HHAT: variants seen among roughly 807,000 people sequenced by gnomAD.
The protein encoded by HHAT is protein-cysteine N-palmitoyltransferase HHAT.
HHAT carries 47 observed loss-of-function variants against 70.8 expected under a neutral mutation model. That is an observed-to-expected ratio of 0.66 (90% CI 0.53 to 0.85). The LOEUF is 0.85. Ranked by LOEUF, HHAT falls within the 40% of genes least tolerant of loss-of-function variation. HHAT has a pLI of 0.00. For synonymous variants in HHAT, 228 were observed against 247.6 expected (o/e 0.92, Z 0.74); for missense variants, 609 against 604.8 (o/e 1.01, Z -0.07).
intron 3 of HHAT, among the ~76,000 whole-genome samples, chr1:210,379,297 G>A (rs564538873): frequency 3.3e-5 from 5 of 152,316 alleles, no homozygotes; most frequent in South Asian, 4.1e-4. Flanking sequence ...CATAGTGTTT[G>A]TATTTGTTCA....
intron 9 of HHAT, among the ~76,000 whole-genome samples, chr1:210,522,889 C>G (rs1009316081): frequency 6.6e-6 from 1 of 152,062 alleles, no homozygotes; most frequent in African/African-American, 2.4e-5. Flanking sequence ...GACTACTTAT[C>G]TGTAAATTGG....
At chr1:210,338,133 G>A (rs1196202539) in intron 1 of HHAT, among the ~76,000 whole-genome samples, 3 of 151,942 alleles carry the variant, frequency 2.0e-5, no homozygotes, top group Non-Finnish European at 4.4e-5. Flanking sequence ...GATCACTTGA[G>A]TCCAGGAGTT....
intron 8 of HHAT, among the ~76,000 whole-genome samples, chr1:210,504,456 C>A (rs1466493569): frequency 6.6e-6 from 1 of 152,176 alleles, no homozygotes; most frequent in Non-Finnish European, 1.5e-5. Context: ...TGCCTGTGGT[C>A]AAATGCTGTT....
intron 8 of HHAT, among the ~76,000 whole-genome samples, chr1:210,483,699 A>G (rs1293103533): frequency 6.6e-6 from 1 of 152,216 alleles, no homozygotes. Context: ...AGGGCCTCAG[A>G]TTAAAGTCAG....
intron 4 of HHAT, among the ~76,000 whole-genome samples, chr1:210,393,340 C>T (rs2091575380): frequency 6.6e-6 from 1 of 152,218 alleles, no homozygotes; most frequent in South Asian, 2.1e-4. Context: ...CCATGTCTAG[C>T]ATCCATACCA....
intron 10 of HHAT, among the ~76,000 whole-genome samples, chr1:210,609,646 T>C (rs1471370924): frequency 1.3e-5 from 2 of 152,232 alleles, no homozygotes; most frequent in South Asian, 2.1e-4. Context: ...TTAGCTGTTC[T>C]TCCTGATGCT....
At chr1:210,643,001 A>G (rs1673275406) in intron 11 of HHAT, among the ~76,000 whole-genome samples, 1 of 152,172 alleles carries the variant, frequency 6.6e-6, no homozygotes, top group Non-Finnish European at 1.5e-5. Context: ...TACATCTACA[A>G]TATGTTTAGT....
At chr1:210,560,438 C>T (rs1325729953) in intron 9 of HHAT, among the ~76,000 whole-genome samples, 1 of 152,006 alleles carries the variant, frequency 6.6e-6, no homozygotes, top group African/African-American at 2.4e-5. Context: ...CCTCTGGCTT[C>T]TTGGGGGCTC....
chr1:210,361,013 G>A (rs976237607), intron 2 of HHAT, among the ~76,000 whole-genome samples: 23 of 151,912 alleles, frequency 1.5e-4, no homozygotes, highest in Admixed American at 9.8e-4. Context: ...TCCAGCCTCA[G>A]GAAATCTGAG....
intron 7 of HHAT, among the ~76,000 whole-genome samples, chr1:210,448,081 CTTTT>C (rs34807311): frequency 1.5e-5 from 2 of 136,824 alleles, no homozygotes; most frequent in Non-Finnish European, 1.6e-5. Flanking sequence ...GTTAGAGGTT[CTTTT>C]TTTTTTTTTT....
intron 1 of HHAT, among the ~76,000 whole-genome samples, chr1:210,332,228 T>A (rs1455548052): frequency 1.3e-5 from 2 of 152,216 alleles, no homozygotes; most frequent in Non-Finnish European, 2.9e-5. Flanking sequence ...AAGCACATAC[T>A]ACCCAAAAGG....
intron 2 of HHAT, 83 bp from the exon 3 acceptor site, chr1:210,362,769 C>T: frequency 9.0e-7 from 1 of 1,115,910 alleles, no homozygotes; most frequent in Non-Finnish European, 1.4e-6. Context: ...GGACATAGTC[C>T]AATTCTTTCA....
Position 210,674,634 on chromosome 1 carries a change from C to T in HHAT, c.*255C>T. 2.2e-6 allele frequency: 1 copy of T among 444,718 alleles called. No homozygotes were observed. Among genetic ancestry groups the T allele is most frequent in the Non-Finnish European group, 4.0e-6 (1 of 249,280 alleles). 27.5% of individuals were successfully genotyped at this position (444,718 alleles called of 1,614,324 possible). ...AAACGGGTCCAGGGCAGTCGTGTGT[C>T]TTACCCAGCTACACAGGGTGACATT... is the stretch of plus-strand genomic sequence containing the variant. On this transcript the variant is annotated 3_prime_UTR_variant, in exon 12 of 12. Transcript: ENST00000261458.
intron 10 of HHAT, among the ~76,000 whole-genome samples, chr1:210,594,784 C>T (rs150747349): frequency 7.2e-5 from 11 of 152,208 alleles, no homozygotes; most frequent in African/African-American, 2.2e-4. Context: ...ATTTCTCCTT[C>T]GTGTTTGAAG....
At chr1:210,664,323 C>G (rs1318447490) in intron 11 of HHAT, among the ~76,000 whole-genome samples, 1 of 152,212 alleles carries the variant, frequency 6.6e-6, no homozygotes, top group Non-Finnish European at 1.5e-5. Flanking sequence ...GATTTAAATA[C>G]AGCTGCCAAG....
At chr1:210,650,572 A>C (rs558653107) in intron 11 of HHAT, among the ~76,000 whole-genome samples, 4 of 152,386 alleles carry the variant, frequency 2.6e-5, no homozygotes, top group Admixed American at 2.6e-4. Flanking sequence ...AACATAATAC[A>C]AGGGCCTTTT....
Position 210,675,132 on chromosome 1 carries a change from A to C in HHAT, c.*753A>C. 1 of 152,176 alleles carries C rather than the reference A, an allele frequency of 6.6e-6. No individual in the cohort carries two copies. The highest frequency in any genetic ancestry group is 2.4e-5 in the African/African-American group (1 of 41,432). 9.4% of individuals were successfully genotyped at this position (152,176 alleles called of 1,614,324 possible). A position where few individuals can be genotyped will look rare whatever the true frequency, so the allele number is the denominator to read the frequency against. On this transcript the variant is annotated 3_prime_UTR_variant, in exon 12 of 12. Transcript: ENST00000261458. ...AGAAGCAGAATTTAGAAACCACAGG[A>C]TAGTGTACCCACAGATGGGTGTTAT... is the stretch of plus-strand genomic sequence containing the variant.
At chr1:210,626,855 A>C (rs1476580281) in intron 11 of HHAT, among the ~76,000 whole-genome samples, 1 of 152,160 alleles carries the variant, frequency 6.6e-6, no homozygotes, top group Non-Finnish European at 1.5e-5. Context: ...CTGACCCCAA[A>C]AAGTTTAGTT....
rs61827418 is a variant in HHAT, at chr1:210,649,441, G to A, written c.1391-24847G>A. Among the ~76,000 whole-genome samples the A allele has an allele frequency of 7.9e-3, 1,200 of 152,366 alleles. 7 individuals carry two copies. Among genetic ancestry groups the A allele is most frequent in the Non-Finnish European group, 0.013 (917 of 68,034 alleles). ...GTCAGACCAAGGTAACCCTGGCACA[G>A]TGCTGGTCACACAGAATACAGCAGT... is the stretch of plus-strand genomic sequence containing the variant. On this transcript the variant is annotated intron_variant, in intron 11 of 11. Coordinates refer to ENST00000261458, the MANE Select transcript of HHAT (RefSeq NM_018194.6).
Sources: gnomAD v4.1 joint callset for allele counts (sites outside exome capture counted in the v4.1 genomes callset) on GRCh38, gnomAD v4.1.1 for gene constraint, MANE v1.5 for transcripts, NCBI Gene and HGNC (gene_info 2026-07-23, HGNC 2026-07-21) for gene names.